RAPGEF2: variants seen among roughly 807,000 people sequenced by gnomAD.
The protein encoded by RAPGEF2 is PDZ domain containing guanine nucleotide exchange factor (GEF) 1.
In RAPGEF2, 54 loss-of-function variants were observed where a neutral mutation model predicts 186.7. The observed-to-expected ratio is 0.29, with a 90% confidence interval of 0.23 to 0.36. The LOEUF (loss-of-function observed/expected upper bound fraction) is 0.36. Among genes scored for constraint, RAPGEF2 ranks in the 10% least tolerant of loss-of-function variants. The pLI is 1.00. For missense variants in RAPGEF2, 1,532 were observed against 2,045.0 expected, an observed-to-expected ratio of 0.75 and a Z score of 4.84; for synonymous variants, 712 against 705.9, an observed-to-expected ratio of 1.01 and a Z score of -0.14.
At chr4:159,347,200 G>A (rs866420320) in intron 25 of RAPGEF2, among the ~76,000 whole-genome samples, 13 of 152,142 alleles carry the variant, frequency 8.5e-5, no homozygotes, top group Admixed American at 2.0e-4. Context: ...GTAATATCTC[G>A]TTTAGTCATG....
chr4:159,123,510 G>T (rs538284594), intron 1 of RAPGEF2, among the ~76,000 whole-genome samples: 1 of 150,818 alleles, frequency 6.6e-6, no homozygotes, highest in South Asian at 2.1e-4. Context: ...TAAACTGTGT[G>T]TGTCTGTGGG....
intron 1 of RAPGEF2, among the ~76,000 whole-genome samples, chr4:159,185,023 T>TTGA (rs1371154839): frequency 6.6e-6 from 1 of 152,106 alleles, no homozygotes; most frequent in Non-Finnish European, 1.5e-5. Flanking sequence ...AACAAAGGAT[T>TTGA]TGAATAGACA....
chr4:159,164,535 T>G (rs1313926581), intron 1 of RAPGEF2, among the ~76,000 whole-genome samples: 1 of 152,140 alleles, frequency 6.6e-6, no homozygotes, highest in Non-Finnish European at 1.5e-5. Context: ...TTTTGGTGAT[T>G]ATTAGATATA....
chr4:159,288,980 A>G (rs1239395467), intron 7 of RAPGEF2, among the ~76,000 whole-genome samples: 1 of 152,116 alleles, frequency 6.6e-6, no homozygotes, highest in Non-Finnish European at 1.5e-5. Flanking sequence ...TATCCTCTCC[A>G]TTCCCAGCCA....
chr4:159,158,717 CT>C (rs1258289695), intron 1 of RAPGEF2, among the ~76,000 whole-genome samples: 1 of 152,094 alleles, frequency 6.6e-6, no homozygotes, highest in Non-Finnish European at 1.5e-5. Flanking sequence ...AAAACCAAGT[CT>C]TTTTAATTTA....
chr4:159,204,067 A>T (rs1021807327), intron 3 of RAPGEF2, among the ~76,000 whole-genome samples: 1 of 152,212 alleles, frequency 6.6e-6, no homozygotes, highest in African/African-American at 2.4e-5. Flanking sequence ...GAAGGATGTC[A>T]TCTGATCCGA....
chr4:159,195,892 T>TC (rs1748600882), intron 3 of RAPGEF2, among the ~76,000 whole-genome samples: 2 of 147,680 alleles, frequency 1.4e-5, no homozygotes, highest in Non-Finnish European at 3.0e-5. Context: ...TTTTTTTTTT[T>TC]TTTTTTTTTT....
intron 1 of RAPGEF2, among the ~76,000 whole-genome samples, chr4:159,123,591 T>A (rs1034986442): frequency 5.4e-5 from 8 of 149,318 alleles, no homozygotes; most frequent in African/African-American, 7.4e-5. Flanking sequence ...CAGGCTGGAG[T>A]GCAGTGGCTC....
chr4:159,267,593 C>A, intron 7 of RAPGEF2: 1 of 447,076 alleles, frequency 2.2e-6, no homozygotes, highest in East Asian at 8.4e-5. Flanking sequence ...ACGCTCTGCC[C>A]TGATTTTTTT....
At chr4:159,164,615 TA>T (rs1283840246) in intron 1 of RAPGEF2, among the ~76,000 whole-genome samples, 1 of 152,154 alleles carries the variant, frequency 6.6e-6, no homozygotes, top group Non-Finnish European at 1.5e-5. Context: ...GTCTGGCATA[TA>T]ATAGGTAGTT....
chr4:159,131,951 T>G (rs1457092490), intron 1 of RAPGEF2, among the ~76,000 whole-genome samples: 2 of 152,130 alleles, frequency 1.3e-5, no homozygotes, highest in African/African-American at 2.4e-5. Context: ...AGGATCCAGA[T>G]TCAAATCTGG....
chr4:159,346,648 A>G (rs2111294617), intron 24 of RAPGEF2, 141 bp from the exon 25 acceptor site: 2 of 716,654 alleles, frequency 2.8e-6, no homozygotes, highest in East Asian at 2.6e-5. Flanking sequence ...TCTGTGCTTC[A>G]TAAAGGCAAC....
At chr4:159,239,364 A>C (rs901074374) in intron 5 of RAPGEF2, among the ~76,000 whole-genome samples, 3 of 152,178 alleles carry the variant, frequency 2.0e-5, no homozygotes, top group Non-Finnish European at 2.9e-5. Context: ...TTCATTCATT[A>C]GAGTTTCTAA....
chr4:159,294,444 G>A (rs1325210144), intron 7 of RAPGEF2, among the ~76,000 whole-genome samples: 2 of 152,174 alleles, frequency 1.3e-5, no homozygotes, highest in Non-Finnish European at 2.9e-5. Flanking sequence ...AGTCCCACTA[G>A]GTTCTGGAAA....
intron 1 of RAPGEF2, among the ~76,000 whole-genome samples, chr4:159,167,830 G>A (rs1745489223): frequency 6.6e-6 from 1 of 152,160 alleles, no homozygotes; most frequent in African/African-American, 2.4e-5. Flanking sequence ...ATTCCCAAAA[G>A]TTATACAATA....
chr4:159,343,941 C>T, intron 22 of RAPGEF2, 95 bp from the exon 23 acceptor site: 1 of 1,307,358 alleles, frequency 7.6e-7, no homozygotes, highest in Non-Finnish European at 1.1e-6. Flanking sequence ...TCTAGAACTG[C>T]TTATCCAGAA....
chr4:159,151,795 G>A (rs1020362607), intron 1 of RAPGEF2, among the ~76,000 whole-genome samples: 4 of 152,104 alleles, frequency 2.6e-5, no homozygotes, highest in Non-Finnish European at 4.4e-5. Context: ...TCTGTTTAAA[G>A]TAGGGTGTAA....
At chr4:159,111,069 C>T (rs1330154034) in intron 1 of RAPGEF2, among the ~76,000 whole-genome samples, 5 of 151,160 alleles carry the variant, frequency 3.3e-5, no homozygotes, top group Admixed American at 2.0e-4. Flanking sequence ...CCACTACCTA[C>T]TGAATTTTAA....
At chr4:159,132,864 T>G (rs553710869) in intron 1 of RAPGEF2, among the ~76,000 whole-genome samples, 1 of 151,634 alleles carries the variant, frequency 6.6e-6, no homozygotes, top group South Asian at 2.1e-4. Context: ...AATTAATATT[T>G]TAAATATTAT....
Sources: gnomAD v4.1 joint callset for allele counts (sites outside exome capture counted in the v4.1 genomes callset) on GRCh38, gnomAD v4.1.1 for gene constraint, MANE v1.5 for transcripts, NCBI Gene and HGNC (gene_info 2026-07-23, HGNC 2026-07-21) for gene names.